The following ZNF536 variants were observed in gnomAD, a reference collection of about 807,000 sequenced individuals.
ZNF536 encodes zinc finger protein 536.
Under a neutral mutation model 84.5 loss-of-function variants are expected in ZNF536, and 13 were observed. The ratio of observed to expected loss-of-function variants is 0.15; its 90% CI spans 0.10 to 0.24. ZNF536 has a LOEUF of 0.24. Among genes scored for constraint, ZNF536 ranks in the 10% least tolerant of loss-of-function variants. ZNF536 has a pLI of 1.00. For missense variants in ZNF536, 1,536 were observed against 1,747.5 expected, an observed-to-expected ratio of 0.88 and a Z score of 2.16; for synonymous variants, 811 against 742.5, an observed-to-expected ratio of 1.09 and a Z score of -1.50.
chr19:30,683,551 A>AT (rs565196076), intron 1 of ZNF536, among the ~76,000 whole-genome samples: 88 of 144,466 alleles, frequency 6.1e-4, no homozygotes, highest in Middle Eastern at 3.6e-3. Flanking sequence ...ACCTGAGCGG[A>AT]TTTTTTTTTT....
intron 1 of ZNF536, among the ~76,000 whole-genome samples, chr19:30,385,902 A>T (rs2049322116): frequency 6.6e-6 from 1 of 152,060 alleles, no homozygotes; most frequent in Non-Finnish European, 1.5e-5. Context: ...GCTTAGTGGG[A>T]CCCCATGGAG....
At chr19:30,240,709 G>A (rs2023881495) in intron 1 of ZNF536, among the ~76,000 whole-genome samples, 1 of 152,226 alleles carries the variant, frequency 6.6e-6, no homozygotes, top group African/African-American at 2.4e-5. Flanking sequence ...CATATAGCAA[G>A]GAGGGCTTCG....
downstream of ZNF536, among the ~76,000 whole-genome samples, chr19:30,560,098 G>C (rs2046107609): frequency 6.6e-6 from 1 of 151,880 alleles, no homozygotes; most frequent in Non-Finnish European, 1.5e-5. Flanking sequence ...CTCAACAGTT[G>C]CGTGTTCTTG....
chr19:30,584,461 C>T (rs963562223), intron 1 of ZNF536, among the ~76,000 whole-genome samples: 2 of 152,320 alleles, frequency 1.3e-5, no homozygotes, highest in South Asian at 2.1e-4. Flanking sequence ...TCTTTCCCTG[C>T]GGTGCTACAG....
At chr19:30,497,858 A>G (rs1030756352) in intron 2 of ZNF536, among the ~76,000 whole-genome samples, 9 of 152,156 alleles carry the variant, frequency 5.9e-5, no homozygotes, top group African/African-American at 2.2e-4. Flanking sequence ...GCAGGACCAG[A>G]TTCCAGAGAC....
chr19:30,523,686 AT>A (rs374794235), intron 2 of ZNF536, among the ~76,000 whole-genome samples: 40 of 146,910 alleles, frequency 2.7e-4, no homozygotes, highest in East Asian at 4.0e-4. Flanking sequence ...TCATACTCTG[AT>A]TTTTTTTTTT....
At chr19:30,416,552 G>C (rs1031866794) in intron 1 of ZNF536, among the ~76,000 whole-genome samples, 2 of 152,050 alleles carry the variant, frequency 1.3e-5, no homozygotes, top group African/African-American at 4.8e-5. Flanking sequence ...TGTGCAGTGT[G>C]GGGTGTGTGG....
intron 2 of ZNF536, among the ~76,000 whole-genome samples, chr19:30,293,322 G>A (rs142194925): frequency 3.3e-5 from 5 of 152,290 alleles, no homozygotes; most frequent in Admixed American, 2.6e-4. Flanking sequence ...AGGACAAAGC[G>A]TGGATAGTTA....
chr19:30,391,226 C>T (rs987863902), intron 1 of ZNF536, among the ~76,000 whole-genome samples: 4 of 152,166 alleles, frequency 2.6e-5, no homozygotes, highest in Non-Finnish European at 4.4e-5. Context: ...ATTTCTGATC[C>T]CAGGTCCAAA....
At chr19:30,344,308 C>CGT (rs1316375055) in intron 2 of ZNF536, among the ~76,000 whole-genome samples, 1 of 36,034 alleles carries the variant, frequency 2.8e-5, no homozygotes. Context: ...AATATATTGG[C>CGT]GGCCTCCTAT....
chr19:30,709,160 G>A (rs781232375), intron 1 of ZNF536, among the ~76,000 whole-genome samples: 38 of 152,146 alleles, frequency 2.5e-4, no homozygotes, highest in East Asian at 1.7e-3. Flanking sequence ...GAGATGTTGC[G>A]CTTGGAGGAT....
chr19:30,251,108 C>G (rs1280378510), intron 1 of ZNF536, among the ~76,000 whole-genome samples: 1 of 152,100 alleles, frequency 6.6e-6, no homozygotes, highest in Non-Finnish European at 1.5e-5. Flanking sequence ...ACTCAAGACT[C>G]CCTATCATCG....
chr19:30,262,409 C>T lies in ZNF536; in HGVS notation c.-189-21663C>T, dbSNP rs186317100. 3.9e-5 allele frequency among the ~76,000 whole-genome samples: 6 copies of T among 152,234 alleles called. No individual in the cohort carries two copies. The East Asian group carries it at 9.7e-4, about 25-fold the overall frequency. ...CTGATGCACGGGTCAAAGCATGGGGCTTGTGCTGACTCAGAGGCCATCTTC... is the reference window on the plus strand; with the variant it reads ...CTGATGCACGGGTCAAAGCATGGGGTTTGTGCTGACTCAGAGGCCATCTTC... On this transcript the variant is annotated intron_variant, in intron 1 of 5. Coordinates refer to the ZNF536 transcript ENST00000585628.
chr19:30,636,117 G>A (rs924762057), intron 1 of ZNF536, among the ~76,000 whole-genome samples: 2 of 152,212 alleles, frequency 1.3e-5, no homozygotes, highest in African/African-American at 4.8e-5. Flanking sequence ...GGTGGGGCCC[G>A]GGTGTGGCGT....
At chr19:30,642,981 G>T (rs1478772731) in intron 1 of ZNF536, among the ~76,000 whole-genome samples, 2 of 152,200 alleles carry the variant, frequency 1.3e-5, no homozygotes, top group Admixed American at 1.3e-4. Flanking sequence ...AAAAGTCATG[G>T]AGCTGGGCCT....
At chr19:30,325,143 T>C (rs1336733140) in intron 2 of ZNF536, among the ~76,000 whole-genome samples, 1 of 152,224 alleles carries the variant, frequency 6.6e-6, no homozygotes, top group Non-Finnish European at 1.5e-5. Context: ...GAAAGGGCTT[T>C]GTGGAGGGGT....
chr19:30,495,472 G>A lies in ZNF536; in HGVS notation c.2171-39375G>A, dbSNP rs189833015. On this transcript the variant is annotated intron_variant, in intron 2 of 4. Transcript: ENST00000355537. ...GGAAAATGGGGAAGGAGACCTGGAA[G>A]GAGGCTAAGTCAGCCTCTGAACAAG... Among the ~76,000 whole-genome samples the A allele has an allele frequency of 3.5e-3, 528 of 152,334 alleles. 9 individuals carry two copies. Among genetic ancestry groups the A allele is most frequent in the Admixed American group, 0.031 (477 of 15,302 alleles).
At chr19:30,595,105 A>G (rs987193858) in intron 1 of ZNF536, among the ~76,000 whole-genome samples, 2 of 152,054 alleles carry the variant, frequency 1.3e-5, no homozygotes, top group Non-Finnish European at 2.9e-5. Flanking sequence ...GGAGAGGCAC[A>G]ATGAAGTTGG....
chr19:30,706,183 C>T (rs1002323500), intron 1 of ZNF536, among the ~76,000 whole-genome samples: 3 of 152,078 alleles, frequency 2.0e-5, no homozygotes, highest in Non-Finnish European at 2.9e-5. Context: ...ATGTGACAAT[C>T]GAAAGTACAA....
Sources: allele counts gnomAD v4.1 joint callset (sites outside exome capture counted in the v4.1 genomes callset), GRCh38; gene constraint gnomAD v4.1.1; transcripts MANE v1.5; gene names NCBI Gene and HGNC (gene_info 2026-07-23, HGNC 2026-07-21).